The following MORN2 variants were observed in gnomAD, a reference collection of about 807,000 sequenced individuals.
MORN2 encodes MORN repeat containing 2, also known as MORN repeat-containing protein 2.
A neutral mutation model predicts 13.4 loss-of-function variants in MORN2; 15 were observed. That is an observed-to-expected ratio of 1.12 (90% CI 0.75 to 1.72). The LOEUF (loss-of-function observed/expected upper bound fraction) is 1.72, where lower values mean the gene tolerates loss of function less well. Ranked by LOEUF, MORN2 falls within the 40% of genes most tolerant of loss-of-function variation. The probability of loss-of-function intolerance (pLI) is 0.00; values close to 1 mark genes in which losing one functional copy is unlikely to be tolerated. For synonymous variants in MORN2, 46 were observed against 43.6 expected, an observed-to-expected ratio of 1.06 and a Z score of -0.22; for missense variants, 168 against 134.6, an observed-to-expected ratio of 1.25 and a Z score of -1.23.
intron 1 of MORN2, among the ~76,000 whole-genome samples, chr2:38,876,380 T>C (rs1370982884): frequency 1.3e-5 from 2 of 152,230 alleles, no homozygotes; most frequent in Non-Finnish European, 2.9e-5. Flanking sequence ...TGAGGTTCCC[T>C]CTAGCTCTGA....
Position 38,882,561 on chromosome 2 carries a change from G to C in MORN2, c.*46G>C, listed in dbSNP as rs543840056. On this transcript the variant is annotated 3_prime_UTR_variant, in exon 5 of 5. Coordinates refer to ENST00000644631, the MANE Select transcript of MORN2 (RefSeq NM_001145450.3). Reference sequence around the variant, plus strand: ...TGAAATGTAGTAATTGAAGCTTTTAGTTGTAAGGAAAGCAACTTAATCTGT... The same window carrying C: ...TGAAATGTAGTAATTGAAGCTTTTACTTGTAAGGAAAGCAACTTAATCTGT... 2.1e-5 allele frequency: 29 copies of C among 1,394,674 alleles called. No individual in the cohort carries two copies. Among genetic ancestry groups the C allele is most frequent in the Middle Eastern group, 1.8e-4 (1 of 5,638 alleles). 86.4% of individuals were successfully genotyped at this position (1,394,674 alleles called of 1,614,324 possible).
intron 2 of MORN2, 45 bp from the exon 3 acceptor site, chr2:38,880,555 A>T (rs1373764500): frequency 1.5e-6 from 2 of 1,327,634 alleles, no homozygotes; most frequent in Non-Finnish European, 2.0e-6. Flanking sequence ...AGGCCCAGAC[A>T]TAACTATTCT....
chr2:38,879,037 G>A (rs573768673), intron 1 of MORN2, among the ~76,000 whole-genome samples: 2 of 152,276 alleles, frequency 1.3e-5, no homozygotes, highest in African/African-American at 4.8e-5. Context: ...TAAGTGTCCA[G>A]GGATCTGAGG....
At chr2:38,881,329 C>T (rs1174899668) in intron 3 of MORN2, 113 bp from the exon 4 acceptor site, 2 of 895,868 alleles carry the variant, frequency 2.2e-6, no homozygotes, top group Non-Finnish European at 3.3e-6. Context: ...AAGGACAATA[C>T]AAAGTTGGTT....
At chr2:38,880,125 C>A in intron 1 of MORN2, 54 bp from the exon 2 acceptor site, 1 of 397,024 alleles carries the variant, frequency 2.5e-6, no homozygotes, top group Non-Finnish European at 4.4e-6. Flanking sequence ...GAAACCTTGC[C>A]TCTATCGAAA....
chr2:38,880,813 T>C, intron 3 of MORN2, 107 bp downstream of exon 3: 2 of 1,160,882 alleles, frequency 1.7e-6, no homozygotes, highest in Non-Finnish European at 2.3e-6. Context: ...GTAGACTATA[T>C]AATAAAAATA....
At chr2:38,880,869 C>T (rs1360430023) in intron 3 of MORN2, among the ~76,000 whole-genome samples, 163 bp downstream of exon 3, 1 of 152,124 alleles carries the variant, frequency 6.6e-6, no homozygotes, top group East Asian at 1.9e-4. Context: ...TAATATTAAA[C>T]TCACTGTAGA....
At position 38,875,980 on chromosome 2, in the gene MORN2, G is replaced by C; in HGVS notation, c.-73G>C. On this transcript the variant is annotated 5_prime_UTR_variant, in exon 1 of 5. Transcript: ENST00000644631. The stretch of plus-strand genomic sequence containing the variant: ...CTCGCGTATTCGCTTCCGGGTGAGA[G>C]GTGCCCGGTCGCCCCAGCAACCAAG... 1 of 398,768 alleles carries C rather than the reference G, an allele frequency of 2.5e-6. No individual in the cohort carries two copies. The highest frequency in any genetic ancestry group is 4.4e-6 in the Non-Finnish European group (1 of 226,222). 24.7% of individuals were successfully genotyped at this position (398,768 alleles called of 1,614,324 possible).
rs541448256 is a variant in MORN2 at position 38,877,118 on chromosome 2, C to T, written c.58+1008C>T. ...ATCTAGTTAGTTATCATTAGTTAAA[C>T]ACTTAGAAAGTAGCTCTGACGCCTG... On this transcript the variant is annotated intron_variant, in intron 1 of 4. Coordinates refer to ENST00000644631, the MANE Select transcript of MORN2 (RefSeq NM_001145450.3). Among the ~76,000 whole-genome samples the T allele has an allele frequency of 5.3e-5, 8 of 152,188 alleles. No homozygotes were observed. In the South Asian group the frequency reaches 1.7e-3, roughly 32 times the overall value.
intron 1 of MORN2, 60 bp from the exon 2 acceptor site, chr2:38,880,119 C>A (rs538255469): frequency 5.0e-6 from 2 of 396,474 alleles, no homozygotes; most frequent in Middle Eastern, 6.3e-4. Context: ...TGTAGTGAAA[C>A]CTTGCCTCTA....
At chr2:38,881,763 G>T (rs1665782808) in intron 4 of MORN2, among the ~76,000 whole-genome samples, 185 bp downstream of exon 4, 1 of 152,136 alleles carries the variant, frequency 6.6e-6, no homozygotes, top group Non-Finnish European at 1.5e-5. Flanking sequence ...CGATTCTCTT[G>T]CCTCAGCCAC....
intron 1 of MORN2, among the ~76,000 whole-genome samples, chr2:38,877,286 A>AT (rs1553338808): frequency 5.0e-4 from 47 of 93,672 alleles, no homozygotes; most frequent in African/African-American, 7.5e-4. Context: ...AAATAAATAA[A>AT]TAAATTAAAT....
intron 3 of MORN2, 31 bp from the exon 4 acceptor site, chr2:38,881,411 T>A: frequency 6.6e-7 from 1 of 1,515,374 alleles, no homozygotes; most frequent in Non-Finnish European, 8.8e-7. Flanking sequence ...TGAAGATTAG[T>A]TTCTAAGGTA....
intron 3 of MORN2, 137 bp from the exon 4 acceptor site, chr2:38,881,305 A>T (rs2124968244): frequency 2.8e-6 from 2 of 707,138 alleles, no homozygotes; most frequent in Non-Finnish European, 4.5e-6. Context: ...TGTTGTCTTT[A>T]TACTATGGAA....
chr2:38,880,140 A>G (rs1330714276), intron 1 of MORN2, 39 bp from the exon 2 acceptor site: 5 of 398,544 alleles, frequency 1.3e-5, no homozygotes, highest in African/African-American at 2.1e-5. Flanking sequence ...TCGAAAAAAA[A>G]GTAAACTTAT....
At chr2:38,876,679 G>A (rs556142848) in intron 1 of MORN2, among the ~76,000 whole-genome samples, 1 of 152,156 alleles carries the variant, frequency 6.6e-6, no homozygotes, top group South Asian at 2.1e-4. Context: ...AGTAGGAATA[G>A]GCCCAGAGTG....
At chr2:38,880,135 A>G (rs1665742094) in intron 1 of MORN2, 44 bp from the exon 2 acceptor site, 4 of 398,210 alleles carry the variant, frequency 1.0e-5, no homozygotes, top group Non-Finnish European at 1.8e-5. Context: ...CTCTATCGAA[A>G]AAAAAGTAAA....
chr2:38,876,870 GA>G (rs1348278594), intron 1 of MORN2, among the ~76,000 whole-genome samples: 1 of 152,236 alleles, frequency 6.6e-6, no homozygotes, highest in Non-Finnish European at 1.5e-5. Flanking sequence ...ATCTAAGGAT[GA>G]GGAAACTGAG....
Position 38,881,638 on chromosome 2 carries a change from G to T in MORN2, c.353+60G>T, listed in dbSNP as rs62142714. The T allele has an allele frequency of 6.6e-4, 817 of 1,232,290 alleles. 5 individuals are homozygous for T. The African/African-American group carries it at 9.7e-3, about 15-fold the overall frequency. The allele number at this position is 1,232,290 out of a possible 1,614,324, so 76.3% of individuals were successfully genotyped here. A position where few individuals can be genotyped will look rare whatever the true frequency, so the allele number is the denominator to read the frequency against. On this transcript the variant is annotated intron_variant, in intron 4 of 4. Transcript: ENST00000644631. Reference sequence around the variant, plus strand: ...TAAAAGATTATTTTCTGGTATGTTTGCTTAAATACTTATTTATTTATTTAT... The same window carrying T: ...TAAAAGATTATTTTCTGGTATGTTTTCTTAAATACTTATTTATTTATTTAT...
Sources: allele counts gnomAD v4.1 joint callset (sites outside exome capture counted in the v4.1 genomes callset), GRCh38; gene constraint gnomAD v4.1.1; transcripts MANE v1.5; gene names NCBI Gene and HGNC (gene_info 2026-07-23, HGNC 2026-07-21).